SP1: variants seen among roughly 807,000 people sequenced by gnomAD.
SP1 encodes transcription factor Sp1.
A neutral mutation model predicts 66.3 loss-of-function variants in SP1; 6 were observed. The observed-to-expected ratio is 0.09, with a 90% CI of 0.05 to 0.18. The LOEUF is 0.18. Ranked by LOEUF, SP1 falls within the 10% of genes least tolerant of loss-of-function variation. SP1 has a pLI of 1.00. For synonymous variants in SP1, 417 were observed against 360.8 expected (o/e 1.16, Z -1.77); for missense variants, 848 against 964.5 (o/e 0.88, Z 1.60).
At chr12:53,394,111 A>T (rs1938416366) in intron 3 of SP1, among the ~76,000 whole-genome samples, 1 of 151,884 alleles carries the variant, frequency 6.6e-6, no homozygotes, top group Non-Finnish European at 1.5e-5. Flanking sequence ...GCTACTCAGG[A>T]GGCTGAGGCA....
At chr12:53,389,216 CTTT>C (rs71443297) in intron 3 of SP1, among the ~76,000 whole-genome samples, 3 of 106,712 alleles carry the variant, frequency 2.8e-5, no homozygotes, top group Non-Finnish European at 3.8e-5. Flanking sequence ...TTAAAATGAT[CTTT>C]TTTTTTTTTT....
In SP1 at chr12:53,409,391, A is replaced by G; in HGVS notation, c.1874A>G (p.Gln625Arg). The G allele has an allele frequency of 6.2e-7, 1 of 1,614,106 alleles. No individual in the cohort carries two copies. The highest frequency in any genetic ancestry group is 8.5e-7 in the Non-Finnish European group (1 of 1,179,984). ...TCGGGGGATCCTGGCAAAAAGAAACAGCATATTTGCCACATCCAAGGCTGT... is the reference window on the plus strand; with the variant it reads ...TCGGGGGATCCTGGCAAAAAGAAACGGCATATTTGCCACATCCAAGGCTGT... ...RGSGDPGKKK[Q>R]HICHIQGCGK... Residue 625 changes from glutamine (Q) to arginine (R), a missense_variant, in exon 5 of 6, where the codon CAG (glutamine) becomes CGG (arginine). By Grantham distance (43) the Gln-to-Arg change is conservative. This residue lies in a region of SP1 where 39 missense variants were observed against 124.2 expected (regional missense o/e 0.31). Transcript: ENST00000327443.
At chr12:53,398,990 T>C (rs976057728) in intron 3 of SP1, among the ~76,000 whole-genome samples, 1 of 152,208 alleles carries the variant, frequency 6.6e-6, no homozygotes, top group Non-Finnish European at 1.5e-5. Context: ...GTCAATATGC[T>C]CTTAAGTATG....
Position 53,380,242 on chromosome 12 carries a change from C to A in SP1, c.-50C>A, listed in dbSNP as rs373019158. On this transcript the variant is annotated 5_prime_UTR_variant, in exon 1 of 6. Transcript: ENST00000327443. ...AGCGTCCGCGTTTTTCCCGGCCCCC[C>A]CCAACCCCCCCGGACAGGACCCCCT... is the stretch of plus-strand genomic sequence containing the variant. 2.7e-5 allele frequency: 35 copies of A among 1,317,182 alleles called. No individual in the cohort carries two copies. The East Asian group carries it at 4.4e-4, about 17-fold the overall frequency. The allele number at this position is 1,317,182 out of a possible 1,614,324, so 81.6% of individuals were successfully genotyped here. A position where few individuals can be genotyped will look rare whatever the true frequency, so the allele number is the denominator to read the frequency against.
intron 4 of SP1, 102 bp from the exon 5 acceptor site, chr12:53,409,260 G>A (rs984936224): frequency 2.4e-5 from 22 of 921,116 alleles, no homozygotes; most frequent in Non-Finnish European, 1.1e-5. Flanking sequence ...AAAAATAAAA[G>A]TTTGGGTTAG....
At position 53,413,038 on chromosome 12, in the gene SP1, T is replaced by A. The variant is rs1172782968; in HGVS notation, c.*1798T>A. 5 of 152,444 alleles carry A rather than the reference T, an allele frequency of 3.3e-5. No individual in the cohort carries two copies. Among genetic ancestry groups the A allele is most frequent in the Non-Finnish European group, 5.9e-5 (4 of 68,020 alleles). 9.4% of individuals were successfully genotyped at this position (152,444 alleles called of 1,614,324 possible). A position where few individuals can be genotyped will look rare whatever the true frequency, so the allele number is the denominator to read the frequency against. On this transcript the variant is annotated 3_prime_UTR_variant, in exon 6 of 6. Coordinates refer to ENST00000327443, the MANE Select transcript of SP1 (RefSeq NM_138473.3). ...GAGACCTGCAATAAAAAAATTACCC[T>A]GATCTGATAGAAAGCAAGTGTTTTT... is the stretch of plus-strand genomic sequence containing the variant.
chr12:53,409,410 A>G lies in SP1; in HGVS notation c.1893A>G (p.Gln631=). 1 of 1,614,124 alleles carries G rather than the reference A, an allele frequency of 6.2e-7. No homozygotes were observed. The highest frequency in any genetic ancestry group is 8.5e-7 in the Non-Finnish European group (1 of 1,180,008). Residue 631 remains glutamine, a synonymous_variant, in exon 5 of 6, where the codon CAA becomes CAG. Coordinates refer to ENST00000327443, the MANE Select transcript of SP1 (RefSeq NM_138473.3). ...GKKKQHICHI[Q]GCGKVYGKTS... Reference sequence around the variant, plus strand: ...AGAAACAGCATATTTGCCACATCCAAGGCTGTGGGAAAGTGTATGGCAAGA... The same window carrying G: ...AGAAACAGCATATTTGCCACATCCAGGGCTGTGGGAAAGTGTATGGCAAGA...
chr12:53,395,845 G>A (rs1290416287), intron 3 of SP1, among the ~76,000 whole-genome samples: 1 of 152,094 alleles, frequency 6.6e-6, no homozygotes, highest in East Asian at 1.9e-4. Context: ...GGCGTAGCTG[G>A]GCATGGTGGC....
chr12:53,381,942 T>A (rs1365547345), intron 2 of SP1, 129 bp downstream of exon 2: 6 of 1,221,996 alleles, frequency 4.9e-6, no homozygotes, highest in Non-Finnish European at 6.8e-6. Flanking sequence ...AGTAAGAGAA[T>A]GGAGATCCCC....
intron 3 of SP1, among the ~76,000 whole-genome samples, chr12:53,404,571 T>C (rs1401363398): frequency 6.6e-6 from 1 of 151,984 alleles, no homozygotes; most frequent in Admixed American, 6.6e-5. Flanking sequence ...ATATTATCTG[T>C]CACTTTTTAC....
chr12:53,390,142 TATC>T (rs1170148858), intron 3 of SP1, among the ~76,000 whole-genome samples: 1 of 152,222 alleles, frequency 6.6e-6, no homozygotes, highest in African/African-American at 2.4e-5. Context: ...TCTTACCAGT[TATC>T]ATTTTTGTGC....
At chr12:53,404,679 T>TA (rs996785155) in intron 3 of SP1, among the ~76,000 whole-genome samples, 73 of 152,274 alleles carry the variant, frequency 4.8e-4, no homozygotes, top group African/African-American at 1.7e-3. Flanking sequence ...TTTATATATA[T>TA]TTTTTTGAGT....
At position 53,381,667 on chromosome 12, in the gene SP1, C is replaced by T; in HGVS notation, c.16C>T (p.His6Tyr). Residue 6 changes from histidine to tyrosine, a missense_variant, in exon 2 of 6, where the codon CAC (histidine) becomes TAC (tyrosine). Transcript: ENST00000327443. ...TTTTTTAATTATTTTAGACCAAGAT[C>T]ACTCCATGGATGAAATGACAGCTGT... The part of the protein sequence containing the change: MSDQD[H>Y]SMDEMTAVVK... The T allele has an allele frequency of 6.2e-7, 1 of 1,607,416 alleles. No individual in the cohort carries two copies. Among genetic ancestry groups the T allele is most frequent in the Non-Finnish European group, 8.5e-7 (1 of 1,177,638 alleles).
At chr12:53,384,407 C>A in intron 3 of SP1, among the ~76,000 whole-genome samples, 1 of 151,784 alleles carries the variant, frequency 6.6e-6, no homozygotes, top group Non-Finnish European at 1.5e-5. Flanking sequence ...GCCTGGGCTT[C>A]TTGAGTAGCT....
At position 53,406,574 on chromosome 12, in the gene SP1, C is replaced by T. The variant is rs779105740; in HGVS notation, c.1676-11C>T. Reference sequence around the variant, plus strand: ...ATGTCACATGTTGACCCTTTTCTCTCTTAATTTCAGGTGATCATGGAGCTC... The same window carrying T: ...ATGTCACATGTTGACCCTTTTCTCTTTTAATTTCAGGTGATCATGGAGCTC... On this transcript the variant is annotated splice_polypyrimidine_tract_variant and intron_variant, in intron 3 of 5. Coordinates refer to ENST00000327443, the MANE Select transcript of SP1 (RefSeq NM_138473.3). The T allele has an allele frequency of 1.4e-5, 22 of 1,612,772 alleles. No individual in the cohort carries two copies. In the African/African-American group the frequency reaches 2.4e-4, roughly 18 times the overall value.
At chr12:53,384,212 GC>G (rs1336909475) in intron 3 of SP1, among the ~76,000 whole-genome samples, 2 of 151,374 alleles carry the variant, frequency 1.3e-5, no homozygotes, top group Non-Finnish European at 1.5e-5. Flanking sequence ...CTCGTGATCC[GC>G]CCGCCTCGGC....
intron 3 of SP1, among the ~76,000 whole-genome samples, chr12:53,402,262 C>A (rs186959418): frequency 1.5e-4 from 22 of 144,234 alleles, no homozygotes; most frequent in African/African-American, 5.4e-4. Context: ...TTGCTCTTGT[C>A]GCCCAGGCTG....
Position 53,413,066 on chromosome 12 carries a change from A to G in SP1, c.*1826A>G, listed in dbSNP as rs1247700955. 1 of 152,538 alleles carries G rather than the reference A, an allele frequency of 6.6e-6. No homozygotes were observed. Among genetic ancestry groups the G allele is most frequent in the Non-Finnish European group, 1.5e-5 (1 of 68,030 alleles). The allele number at this position is 152,538 out of a possible 1,614,324, so 9.4% of individuals were successfully genotyped here. On this transcript the variant is annotated 3_prime_UTR_variant, in exon 6 of 6. Coordinates refer to ENST00000327443, the MANE Select transcript of SP1 (RefSeq NM_138473.3). ...TCTGATAGAAAGCAAGTGTTTTTGT[A>G]TGTGTGGGTGAATGTGTGTTCATGC... is the stretch of plus-strand genomic sequence containing the variant.
At position 53,410,963 on chromosome 12, in the gene SP1, G is replaced by A. The variant is rs199637765; in HGVS notation, c.2081G>A (p.Arg694His). Residue 694 changes from arginine to histidine, a missense_variant, in exon 6 of 6, where the codon CGC (arginine) becomes CAC (histidine). This residue lies in a region of SP1 where 39 missense variants were observed against 124.2 expected (regional missense o/e 0.31). Transcript: ENST00000327443. The part of the protein sequence containing the change: ...KKFACPECPK[R>H]FMRSDHLSKH... ...TTTGCCTGCCCTGAGTGTCCTAAGC[G>A]CTTCATGAGGAGTGACCACCTGTCA... 11 of 1,614,132 alleles carry A rather than the reference G, an allele frequency of 6.8e-6. No individual in the cohort carries two copies. Among genetic ancestry groups the A allele is most frequent in the East Asian group, 2.2e-5 (1 of 44,886 alleles).
Sources: gnomAD v4.1 joint callset for allele counts (sites outside exome capture counted in the v4.1 genomes callset) on GRCh38, gnomAD v4.1.1 for gene constraint, gnomAD v4.1.1 regional missense constraint, MANE v1.5 for transcripts, NCBI Gene and HGNC (gene_info 2026-07-23, HGNC 2026-07-21) for gene names.